Variants in NRXN3 observed in about 807,000 individuals in gnomAD.
The protein encoded by NRXN3 is neurexin III.
In NRXN3, 32 loss-of-function variants were observed where a neutral mutation model predicts 137.6. The observed-to-expected ratio is 0.23, with a 90% CI of 0.18 to 0.31. The LOEUF (loss-of-function observed/expected upper bound fraction) is 0.31, where lower values mean the gene tolerates loss of function less well. Ranked by LOEUF, NRXN3 falls within the 10% of genes least tolerant of loss-of-function variation. The pLI is 1.00. For missense variants in NRXN3, 1,574 were observed against 2,062.5 expected (o/e 0.76, Z 4.59); for synonymous variants, 798 against 784.5 (o/e 1.02, Z -0.29).
At chr14:79,699,192 GA>G (rs947937619) in intron 19 of NRXN3, among the ~76,000 whole-genome samples, 1 of 151,534 alleles carries the variant, frequency 6.6e-6, no homozygotes, top group Non-Finnish European at 1.5e-5. Context: ...ATGCTCACGA[GA>G]AAAAAAATAG....
intron 16 of NRXN3, among the ~76,000 whole-genome samples, chr14:79,532,504 C>G (rs1360045084): frequency 6.6e-6 from 1 of 152,166 alleles, no homozygotes; most frequent in Non-Finnish European, 1.5e-5. Flanking sequence ...AGATAACAGG[C>G]CCCTCAGCCT....
At chr14:78,590,673 G>A (rs2097108347) in intron 4 of NRXN3, among the ~76,000 whole-genome samples, 1 of 152,124 alleles carries the variant, frequency 6.6e-6, no homozygotes, top group African/African-American at 2.4e-5. Flanking sequence ...CAGGACTTTC[G>A]GAGGCTGAGG....
chr14:78,431,420 G>A (rs143560297), intron 4 of NRXN3, among the ~76,000 whole-genome samples: 58 of 152,356 alleles, frequency 3.8e-4, no homozygotes, highest in African/African-American at 1.3e-3. Flanking sequence ...GGCAATAGGA[G>A]TATAGGAATG....
chr14:79,216,866 G>A (rs1356095777), intron 15 of NRXN3, among the ~76,000 whole-genome samples: 1 of 152,212 alleles, frequency 6.6e-6, no homozygotes, highest in Non-Finnish European at 1.5e-5. Context: ...GCCAGGCACA[G>A]TGGCTCACGC....
chr14:79,827,958 A>G (rs187513298), intron 20 of NRXN3, among the ~76,000 whole-genome samples: 23 of 152,224 alleles, frequency 1.5e-4, no homozygotes, highest in Non-Finnish European at 2.6e-4. Flanking sequence ...GGTCAATTAA[A>G]GTGTTGGGAT....
chr14:79,167,469 T>C (rs1395702405), intron 15 of NRXN3, among the ~76,000 whole-genome samples: 1 of 152,048 alleles, frequency 6.6e-6, no homozygotes. Flanking sequence ...CAGTTTATGA[T>C]GGATGACCAG....
At chr14:78,454,499 T>A (rs1337504204) in intron 4 of NRXN3, among the ~76,000 whole-genome samples, 1 of 152,218 alleles carries the variant, frequency 6.6e-6, no homozygotes, top group Non-Finnish European at 1.5e-5. Context: ...AATGATATTT[T>A]TTAGAAAGCT....
intron 16 of NRXN3, among the ~76,000 whole-genome samples, chr14:79,569,754 G>T (rs559476945): frequency 6.6e-6 from 1 of 151,978 alleles, no homozygotes; most frequent in East Asian, 2.0e-4. Context: ...GATTACAGGT[G>T]CCCGCCACCA....
chr14:78,298,336 T>A (rs1175232156), intron 4 of NRXN3, among the ~76,000 whole-genome samples: 1 of 152,210 alleles, frequency 6.6e-6, no homozygotes, highest in African/African-American at 2.4e-5. Flanking sequence ...TGATCTGCCT[T>A]CCATGGTCAA....
chr14:78,400,496 C>T (rs919838968), intron 4 of NRXN3, among the ~76,000 whole-genome samples: 11 of 152,134 alleles, frequency 7.2e-5, no homozygotes, highest in African/African-American at 2.7e-4. Context: ...TTTGATTCAT[C>T]GGATTGCGGA....
chr14:79,674,679 G>A (rs571350004), intron 17 of NRXN3, among the ~76,000 whole-genome samples: 20 of 152,172 alleles, frequency 1.3e-4, no homozygotes, highest in African/African-American at 4.1e-4. Context: ...AAATTCACAT[G>A]CAAATGTACT....
chr14:79,153,950 T>G (rs2060021856), intron 15 of NRXN3, among the ~76,000 whole-genome samples: 1 of 151,942 alleles, frequency 6.6e-6, no homozygotes, highest in Admixed American at 6.6e-5. Flanking sequence ...ACTCCTTGCA[T>G]TGCCTGGGGC....
At chr14:78,892,774 C>CTG (rs58718552) in intron 10 of NRXN3, among the ~76,000 whole-genome samples, 20,823 of 139,918 alleles carry the variant, frequency 0.15, 1,564 homozygotes, top group Middle Eastern at 0.27. Flanking sequence ...CCCCCATCTT[C>CTG]TGTGTGTGTG....
At chr14:78,677,825 G>A (rs1305734737) in intron 6 of NRXN3, among the ~76,000 whole-genome samples, 1 of 152,130 alleles carries the variant, frequency 6.6e-6, no homozygotes, top group Non-Finnish European at 1.5e-5. Context: ...GTAACCACTA[G>A]CCTGATCAGT....
chr14:78,520,152 T>C (rs879351880), intron 4 of NRXN3, among the ~76,000 whole-genome samples: 2 of 152,180 alleles, frequency 1.3e-5, no homozygotes, highest in African/African-American at 2.4e-5. Flanking sequence ...ATTACTTGAT[T>C]GACCATTTCA....
intron 14 of NRXN3, among the ~76,000 whole-genome samples, chr14:78,980,681 G>A (rs1158063258): frequency 1.3e-5 from 2 of 152,144 alleles, no homozygotes; most frequent in African/African-American, 4.8e-5. Context: ...AATTTTGGCA[G>A]CCATCAGAAT....
At chr14:79,206,956 C>T (rs2066878068) in intron 15 of NRXN3, among the ~76,000 whole-genome samples, 1 of 152,126 alleles carries the variant, frequency 6.6e-6, no homozygotes, top group Non-Finnish European at 1.5e-5. Context: ...AACATTGAGC[C>T]CCTTTTCCTA....
At chr14:79,214,513 T>C (rs2068187176) in intron 15 of NRXN3, among the ~76,000 whole-genome samples, 1 of 152,206 alleles carries the variant, frequency 6.6e-6, no homozygotes, top group African/African-American at 2.4e-5. Context: ...TTTGAGATGA[T>C]AGATAGGCCA....
At chr14:78,828,329 G>T (rs1469626034) in intron 10 of NRXN3, among the ~76,000 whole-genome samples, 9 of 152,142 alleles carry the variant, frequency 5.9e-5, no homozygotes, top group Non-Finnish European at 1.0e-4. Flanking sequence ...AGAGTAATTG[G>T]CATTAAATAA....
Sources: allele counts gnomAD v4.1 joint callset (sites outside exome capture counted in the v4.1 genomes callset), GRCh38; gene constraint gnomAD v4.1.1; transcripts MANE v1.5; gene names NCBI Gene and HGNC (gene_info 2026-07-23, HGNC 2026-07-21).